The following KCND2 variants were observed in gnomAD, a reference collection of about 807,000 sequenced individuals.
KCND2 encodes A-type voltage-gated potassium channel KCND2.
In KCND2, 16 loss-of-function variants were observed where a neutral mutation model predicts 54.4. That is an observed-to-expected ratio of 0.29 (90% CI 0.20 to 0.45). The LOEUF (loss-of-function observed/expected upper bound fraction) is 0.45, where lower values mean the gene tolerates loss of function less well. Among genes scored for constraint, KCND2 ranks in the 20% least tolerant of loss-of-function variants. The probability of loss-of-function intolerance (pLI) is 1.00; values close to 1 mark genes in which losing one functional copy is unlikely to be tolerated. For missense variants in KCND2, 486 were observed against 824.2 expected, an observed-to-expected ratio of 0.59 and a Z score of 5.02; for synonymous variants, 317 against 310.7, an observed-to-expected ratio of 1.02 and a Z score of -0.21.
intron 1 of KCND2, among the ~76,000 whole-genome samples, chr7:120,415,803 T>G (rs1292402009): frequency 6.6e-6 from 1 of 152,232 alleles, no homozygotes; most frequent in Non-Finnish European, 1.5e-5. Flanking sequence ...TTGTCACAGA[T>G]GTTCAGAAGC....
Position 120,584,500 on chromosome 7 carries a change from A to C in KCND2, c.1116-148403A>C, listed in dbSNP as rs182835792. On this transcript the variant is annotated intron_variant, in intron 1 of 5. Transcript: ENST00000331113. ...GATTTTATGTTCAATGTCATTCTAAACTATCAGTGAAAAAAAGTTGAACAG... is the reference window on the plus strand; with the variant it reads ...GATTTTATGTTCAATGTCATTCTAACCTATCAGTGAAAAAAAGTTGAACAG... Among the ~76,000 whole-genome samples the C allele has an allele frequency of 2.5e-3, 385 of 152,368 alleles. 2 individuals carry two copies. The highest frequency in any genetic ancestry group is 8.9e-3 in the African/African-American group (372 of 41,582).
At chr7:120,713,913 A>C (rs1792571334) in intron 1 of KCND2, among the ~76,000 whole-genome samples, 1 of 152,180 alleles carries the variant, frequency 6.6e-6, no homozygotes, top group African/African-American at 2.4e-5. Context: ...GCAAATTCAG[A>C]TATAGCAGAT....
At chr7:120,638,840 T>C (rs553127752) in intron 1 of KCND2, among the ~76,000 whole-genome samples, 1 of 152,100 alleles carries the variant, frequency 6.6e-6, no homozygotes. Context: ...TAAAGATGTA[T>C]AGATTACTTA....
chr7:120,389,602 T>G (rs528923484), intron 1 of KCND2, among the ~76,000 whole-genome samples: 1 of 151,764 alleles, frequency 6.6e-6, no homozygotes, highest in African/African-American at 2.4e-5. Flanking sequence ...GTTTTTGGTT[T>G]GTTTGTTTGT....
chr7:120,546,609 T>G (rs1792045083), intron 1 of KCND2, among the ~76,000 whole-genome samples: 1 of 151,972 alleles, frequency 6.6e-6, no homozygotes, highest in Non-Finnish European at 1.5e-5. Context: ...TTCATGTCCT[T>G]TATTTGTATT....
intron 1 of KCND2, among the ~76,000 whole-genome samples, chr7:120,665,280 G>A (rs541214696): frequency 2.6e-5 from 4 of 152,006 alleles, no homozygotes; most frequent in Non-Finnish European, 4.4e-5. Flanking sequence ...TGATGAGTTG[G>A]CAGTTATTTT....
At chr7:120,677,657 G>A (rs1584880226) in intron 1 of KCND2, among the ~76,000 whole-genome samples, 1 of 151,492 alleles carries the variant, frequency 6.6e-6, no homozygotes, top group East Asian at 1.9e-4. Flanking sequence ...ATAGAACATA[G>A]GATCCCCTCC....
intron 1 of KCND2, among the ~76,000 whole-genome samples, chr7:120,411,974 T>C (rs1161683428): frequency 1.3e-5 from 2 of 151,988 alleles, no homozygotes; most frequent in African/African-American, 4.8e-5. Context: ...CTAAGCACCA[T>C]CTAGCAACCA....
At chr7:120,455,044 A>G (rs1802173427) in intron 1 of KCND2, among the ~76,000 whole-genome samples, 1 of 152,208 alleles carries the variant, frequency 6.6e-6, no homozygotes. Flanking sequence ...CATCAAAAAC[A>G]AATGAGAAAA....
At chr7:120,526,953 G>C (rs1791784043) in intron 1 of KCND2, among the ~76,000 whole-genome samples, 3 of 151,982 alleles carry the variant, frequency 2.0e-5, no homozygotes, top group Admixed American at 1.3e-4. Context: ...TAAAATATTT[G>C]ACTTTAATTC....
chr7:120,548,669 A>G (rs1020528095), intron 1 of KCND2, among the ~76,000 whole-genome samples: 2 of 152,180 alleles, frequency 1.3e-5, no homozygotes, highest in African/African-American at 4.8e-5. Context: ...TTCAACAGAA[A>G]TGAAAGAACA....
At chr7:120,595,702 AATG>A (rs1792736394) in intron 1 of KCND2, among the ~76,000 whole-genome samples, 1 of 150,768 alleles carries the variant, frequency 6.6e-6, no homozygotes, top group African/African-American at 2.4e-5. Flanking sequence ...AAACAATCTC[AATG>A]ATATTTTTAA....
At chr7:120,453,601 C>G (rs1802148939) in intron 1 of KCND2, among the ~76,000 whole-genome samples, 1 of 152,128 alleles carries the variant, frequency 6.6e-6, no homozygotes, top group Non-Finnish European at 1.5e-5. Context: ...AAATAGAAAT[C>G]AATACTAAGA....
At chr7:120,394,866 G>T (rs1323621686) in intron 1 of KCND2, among the ~76,000 whole-genome samples, 1 of 151,964 alleles carries the variant, frequency 6.6e-6, no homozygotes, top group Non-Finnish European at 1.5e-5. Flanking sequence ...CCTAAATCAA[G>T]TGACTGTTCA....
At chr7:120,471,818 T>C (rs1168004552) in intron 1 of KCND2, among the ~76,000 whole-genome samples, 2 of 152,042 alleles carry the variant, frequency 1.3e-5, no homozygotes, top group Admixed American at 6.6e-5. Context: ...TTGAGTATTA[T>C]AGAGTATTGG....
At position 120,621,276 on chromosome 7, in the gene KCND2, C is replaced by CAAAAAAAAAAAA. The variant is rs1175736454; in HGVS notation, c.1116-111610_1116-111599dup. 1.7e-3 allele frequency among the ~76,000 whole-genome samples: 81 copies of CAAAAAAAAAAAA among 47,208 alleles called. 3 individuals are homozygous for CAAAAAAAAAAAA. The highest frequency in any genetic ancestry group is 0.011 in the East Asian group (18 of 1,612). 31.0% of individuals were successfully genotyped at this position (47,208 alleles called of 152,430 possible). On this transcript the variant is annotated intron_variant, in intron 1 of 5. Coordinates refer to ENST00000331113, the MANE Select transcript of KCND2 (RefSeq NM_012281.3). ...TGGGCGACAGAGCAAGACTCCGTCTCAAAAAAAAAAAAAAAAAAAAAAAAA... is the reference window on the plus strand; with the variant it reads ...TGGGCGACAGAGCAAGACTCCGTCTCAAAAAAAAAAAAAAAAAAAAAAAAAAAAAAAAAAAAA...
chr7:120,620,870 A>G (rs562792283), intron 1 of KCND2, among the ~76,000 whole-genome samples: 3 of 152,354 alleles, frequency 2.0e-5, no homozygotes, highest in African/African-American at 7.2e-5. Context: ...AAATAGTGTT[A>G]TGTGCACCCA....
At chr7:120,371,876 A>C (rs1198857489) in intron 1 of KCND2, among the ~76,000 whole-genome samples, 2 of 151,950 alleles carry the variant, frequency 1.3e-5, no homozygotes, top group African/African-American at 4.8e-5. Flanking sequence ...CACTCCAGGA[A>C]TGTTCACACA....
intron 1 of KCND2, among the ~76,000 whole-genome samples, chr7:120,601,469 G>GT (rs11431300): frequency 0.083 from 12,619 of 151,726 alleles, 639 homozygotes; most frequent in African/African-American, 0.15. Context: ...TAAGTAAGGC[G>GT]TTTTTTTTGT....
Sources: gnomAD v4.1 joint callset for allele counts (sites outside exome capture counted in the v4.1 genomes callset) on GRCh38, gnomAD v4.1.1 for gene constraint, MANE v1.5 for transcripts, NCBI Gene and HGNC (gene_info 2026-07-23, HGNC 2026-07-21) for gene names.